DACH2: variants seen among roughly 807,000 people sequenced by gnomAD.
DACH2 encodes dachshund family transcription factor 2.
A neutral mutation model predicts 35.8 loss-of-function variants in DACH2; 17 were observed. The observed-to-expected ratio is 0.48, with a 90% CI of 0.33 to 0.71. The LOEUF (loss-of-function observed/expected upper bound fraction) is 0.71, where lower values mean the gene tolerates loss of function less well. DACH2 is among the 30% of genes least tolerant of loss of function. The pLI, the probability that DACH2 is intolerant of heterozygous loss-of-function variation, is 0.02. For missense variants in DACH2, 469 were observed against 472.7 expected, an observed-to-expected ratio of 0.99 and a Z score of 0.07; for synonymous variants, 195 against 177.3, an observed-to-expected ratio of 1.10 and a Z score of -0.79.
chrX:86,779,016 T>C (rs983362044), intron 7 of DACH2, among the ~76,000 whole-genome samples: 4 of 111,985 alleles, frequency 3.6e-5, no homozygotes, highest in African/African-American at 1.3e-4. Context: ...AGAGACAAAA[T>C]TGCCTGCTCT....
chrX:86,545,464 G>T (rs2038944691), intron 3 of DACH2, among the ~76,000 whole-genome samples: 1 of 111,818 alleles, frequency 8.9e-6, no homozygotes, highest in African/African-American at 3.3e-5. Context: ...CCTGGGTGAT[G>T]AAATAATCTG....
At position 86,626,603 on chromosome X, in the gene DACH2, G is replaced by A. The variant is rs955782735; in HGVS notation, c.641-24433G>A. Among the ~76,000 whole-genome samples the A allele has an allele frequency of 3.5e-5, 4 of 113,108 alleles. 1 individual carries two copies. Among genetic ancestry groups the A allele is most frequent in the African/African-American group, 9.6e-5 (3 of 31,198 alleles). ...AGCCCTGCCCCTGCAGCAAGCTTCT[G>A]TCTAGACATCCAGGAGCTTCTGTAC... On this transcript the variant is annotated intron_variant, in intron 3 of 11. Transcript: ENST00000373125.
intron 2 of DACH2, among the ~76,000 whole-genome samples, chrX:86,394,772 T>C (rs899343533): frequency 9.0e-6 from 1 of 111,625 alleles, no homozygotes; most frequent in African/African-American, 3.3e-5. Context: ...TAAAACATCA[T>C]GTCGGTAAAG....
chrX:86,458,952 G>A (rs186173426), intron 2 of DACH2, among the ~76,000 whole-genome samples: 1 of 110,138 alleles, frequency 9.1e-6, no homozygotes, highest in Admixed American at 9.7e-5. Flanking sequence ...AAACCACCAG[G>A]GCACGTGTAT....
chrX:86,243,241 A>G (rs1602316895), intron 1 of DACH2, among the ~76,000 whole-genome samples: 1 of 111,832 alleles, frequency 8.9e-6, no homozygotes, highest in Non-Finnish European at 1.9e-5. Context: ...AGGAAAAAAA[A>G]GTCGAGAGAT....
chrX:86,580,933 T>C (rs1033665950), intron 3 of DACH2, among the ~76,000 whole-genome samples: 11 of 111,363 alleles, frequency 9.9e-5, no homozygotes, highest in African/African-American at 3.3e-4. Context: ...GGACACATAG[T>C]TATGAAATTC....
intron 3 of DACH2, among the ~76,000 whole-genome samples, chrX:86,610,225 T>C (rs1363647894): frequency 1.8e-5 from 2 of 111,138 alleles, no homozygotes; most frequent in African/African-American, 6.6e-5. Context: ...TGCCTCTTCC[T>C]GTGGCCACAG....
At chrX:86,707,907 C>T (rs1602827770) in intron 5 of DACH2, among the ~76,000 whole-genome samples, 1 of 9,295 alleles carries the variant, frequency 1.1e-4, no homozygotes. Context: ...GAGTAAGACT[C>T]CATCTAAAAA....
rs1327220683 is a variant in DACH2 at position 86,455,167 on chromosome X, C to T, written c.528-59112C>T. Among the ~76,000 whole-genome samples the T allele has an allele frequency of 2.7e-5, 3 of 110,287 alleles. No homozygotes were observed. The Admixed American group carries it at 2.9e-4, about 11-fold the overall frequency. The stretch of plus-strand genomic sequence containing the variant: ...GTTCCTTCCTTTGGAAGCTTTGTAC[C>T]AGGGCAGTATTGACCTGTTGCCAGC... On this transcript the variant is annotated intron_variant, in intron 2 of 11. Transcript: ENST00000373125.
chrX:86,565,990 T>C lies in DACH2; in HGVS notation c.640+51599T>C, dbSNP rs1569442020. On this transcript the variant is annotated intron_variant, in intron 3 of 11. Coordinates refer to ENST00000373125, the MANE Select transcript of DACH2 (RefSeq NM_053281.3). ...CAATATGGTCTAATTCTTTTAAATG[T>C]TATAATTATTTCTCTTTTTAAAAAA... is the stretch of plus-strand genomic sequence containing the variant. Among the ~76,000 whole-genome samples the C allele has an allele frequency of 2.7e-5, 3 of 111,936 alleles. No individual in the cohort carries two copies. In the South Asian group the frequency reaches 1.1e-3, roughly 40 times the overall value.
At chrX:86,379,867 GATC>G (rs1435036364) in intron 2 of DACH2, among the ~76,000 whole-genome samples, 1 of 110,646 alleles carries the variant, frequency 9.0e-6, no homozygotes, top group Non-Finnish European at 1.9e-5. Flanking sequence ...GCCCTTTCCA[GATC>G]ATCAGCTAGT....
chrX:86,622,049 G>T (rs1408050279), intron 3 of DACH2, among the ~76,000 whole-genome samples: 2 of 110,896 alleles, frequency 1.8e-5, no homozygotes, highest in African/African-American at 6.5e-5. Flanking sequence ...ATTTATGAAT[G>T]AAAAAAACTT....
chrX:86,429,344 T>C (rs192349552), intron 2 of DACH2, among the ~76,000 whole-genome samples: 1 of 111,262 alleles, frequency 9.0e-6, no homozygotes, highest in African/African-American at 3.3e-5. Context: ...TTTTTATAAA[T>C]TGTGTTTATC....
Position 86,568,899 on chromosome X carries a change from G to C in DACH2, c.640+54508G>C, listed in dbSNP as rs758692131. ...ATTGATTTGGGAAGAAATTCGTTAC[G>C]TCTGTCTTGATCACTTCCGATTTCA... On this transcript the variant is annotated intron_variant, in intron 3 of 11. Coordinates refer to ENST00000373125, the MANE Select transcript of DACH2 (RefSeq NM_053281.3). Among the ~76,000 whole-genome samples the C allele has an allele frequency of 3.6e-5, 4 of 111,438 alleles. No homozygotes were observed. In the East Asian group the frequency reaches 1.1e-3, roughly 32 times the overall value.
intron 7 of DACH2, among the ~76,000 whole-genome samples, chrX:86,742,979 A>G (rs1326961540): frequency 9.0e-6 from 1 of 111,481 alleles, no homozygotes; most frequent in Non-Finnish European, 1.9e-5. Context: ...CCCTCTTACT[A>G]TGCCAGCTCA....
At chrX:86,185,155 C>A (rs2031644633) in intron 1 of DACH2, among the ~76,000 whole-genome samples, 1 of 111,607 alleles carries the variant, frequency 9.0e-6, no homozygotes, top group African/African-American at 3.3e-5. Flanking sequence ...TATTAACCTG[C>A]ACCTGTTTTA....
intron 4 of DACH2, among the ~76,000 whole-genome samples, chrX:86,662,871 G>A (rs2040622573): frequency 9.0e-6 from 1 of 111,087 alleles, no homozygotes; most frequent in African/African-American, 3.3e-5. Context: ...TTAACACACT[G>A]AATATTATAT....
At position 86,575,143 on chromosome X, in the gene DACH2, T is replaced by C. The variant is rs191240148; in HGVS notation, c.640+60752T>C. 3.9e-4 allele frequency among the ~76,000 whole-genome samples: 43 copies of C among 111,278 alleles called. 1 individual carries two copies. The Admixed American group carries it at 4.1e-3, about 11-fold the overall frequency. Reference sequence around the variant, plus strand: ...GGGCACTTGCTCACAAAGAACAGTGTTTCCATTTTAAACATCATTTCAGTG... The same window carrying C: ...GGGCACTTGCTCACAAAGAACAGTGCTTCCATTTTAAACATCATTTCAGTG... On this transcript the variant is annotated intron_variant, in intron 3 of 11. Transcript: ENST00000373125.
chrX:86,465,105 A>G (rs777494671), intron 2 of DACH2, among the ~76,000 whole-genome samples: 30 of 112,128 alleles, frequency 2.7e-4, no homozygotes, highest in South Asian at 1.5e-3. Flanking sequence ...CACAAATAGC[A>G]AAGTATTTGA....
Sources: allele counts gnomAD v4.1 joint callset (sites outside exome capture counted in the v4.1 genomes callset), GRCh38; gene constraint gnomAD v4.1.1; transcripts MANE v1.5; gene names NCBI Gene and HGNC (gene_info 2026-07-23, HGNC 2026-07-21).